The following CDC42SE2 variants were observed in gnomAD, a reference collection of about 807,000 sequenced individuals.
CDC42SE2 encodes the protein CDC42 small effector 2.
In CDC42SE2, 3 loss-of-function variants were observed where a neutral mutation model predicts 11.5. That is an observed-to-expected ratio of 0.26 (90% confidence interval 0.12 to 0.67). The LOEUF (loss-of-function observed/expected upper bound fraction) is 0.67, where lower values mean the gene tolerates loss of function less well. Among genes scored for constraint, CDC42SE2 ranks in the 30% least tolerant of loss-of-function variants. CDC42SE2 has a pLI of 0.80. For synonymous variants in CDC42SE2, 33 were observed against 34.8 expected (o/e 0.95, Z 0.18); for missense variants, 82 against 106.8 (o/e 0.77, Z 1.02).
At chr5:131,301,334 A>G (rs1432422857) in intron 1 of CDC42SE2, among the ~76,000 whole-genome samples, 1 of 152,288 alleles carries the variant, frequency 6.6e-6, no homozygotes, top group South Asian at 2.1e-4. Flanking sequence ...AGAATTATTG[A>G]ATGTTCCCAA....
intron 1 of CDC42SE2, among the ~76,000 whole-genome samples, chr5:131,295,328 TAGCTATTAC>T (rs1757548010): frequency 6.6e-6 from 1 of 151,196 alleles, no homozygotes; most frequent in African/African-American, 2.4e-5. Flanking sequence ...CAAAAAAAGA[TAGCTATTAC>T]AGCATCATCG....
intron 2 of CDC42SE2, among the ~76,000 whole-genome samples, chr5:131,316,802 A>G (rs1046335979): frequency 3.9e-5 from 6 of 151,914 alleles, no homozygotes; most frequent in Admixed American, 3.9e-4. Context: ...CTCTATCTGA[A>G]TTTTCTTATT....
chr5:131,330,082 A>G (rs1008415375), intron 2 of CDC42SE2, among the ~76,000 whole-genome samples: 2 of 151,964 alleles, frequency 1.3e-5, no homozygotes, highest in African/African-American at 4.8e-5. Context: ...AGCTAATGGT[A>G]TTCAGCTAAT....
chr5:131,351,429 TA>T (rs764953618), intron 2 of CDC42SE2, among the ~76,000 whole-genome samples: 13 of 149,586 alleles, frequency 8.7e-5, no homozygotes, highest in African/African-American at 3.3e-4. Flanking sequence ...AAATTTTTTG[TA>T]TTTTTAGCAG....
At chr5:131,265,179 C>T (rs759647596) in intron 1 of CDC42SE2, among the ~76,000 whole-genome samples, 3 of 151,908 alleles carry the variant, frequency 2.0e-5, no homozygotes, top group South Asian at 2.1e-4. Flanking sequence ...ATGAACAGTC[C>T]GTTCTTACTC....
the CDC42SE2 span, among the ~76,000 whole-genome samples, chr5:131,224,015 C>T: frequency 6.6e-6 from 1 of 152,160 alleles, no homozygotes. Flanking sequence ...CACTTGGTTG[C>T]CAGGACAGCA....
chr5:131,222,471 C>T, the CDC42SE2 span, among the ~76,000 whole-genome samples: 2 of 152,192 alleles, frequency 1.3e-5, no homozygotes, highest in Non-Finnish European at 2.9e-5. Context: ...GCACCTGGCA[C>T]ATTATAAGCA....
At position 131,249,747 on chromosome 5, in the gene CDC42SE2, G is replaced by C. The variant is rs146829434; in HGVS notation, n.107+4148G>C. On this transcript the variant is annotated intron_variant and non_coding_transcript_variant, in intron 1 of 3. Coordinates refer to the CDC42SE2 transcript ENST00000502840. ...GGACTGCAGAGATTAGCTGGGTGTG[G>C]TGGTGCATGCCTGTAGTCCTAGGTA... Among the ~76,000 whole-genome samples the C allele has an allele frequency of 4.6e-3, 698 of 152,308 alleles. 8 individuals carry two copies. Among genetic ancestry groups the C allele is most frequent in the Non-Finnish European group, 6.9e-3 (467 of 68,024 alleles).
At chr5:131,220,916 A>T in the CDC42SE2 span, among the ~76,000 whole-genome samples, 1 of 119,520 alleles carries the variant, frequency 8.4e-6, no homozygotes. Flanking sequence ...ATGGAGTTTC[A>T]CCCTGCCGCC....
chr5:131,242,637 T>C (rs999239780), upstream of CDC42SE2, among the ~76,000 whole-genome samples: 2 of 152,192 alleles, frequency 1.3e-5, no homozygotes, highest in African/African-American at 4.8e-5. Context: ...CCACCACCTA[T>C]ACGACAGGAG....
Position 131,359,314 on chromosome 5 carries a change from A to T in CDC42SE2, c.-180A>T, listed in dbSNP as rs570215243. ...GAAGCAAAGAAAGGAAACAATCCAA[A>T]TTTTTCTTTATTAAATCGACTGTGT... is the stretch of plus-strand genomic sequence containing the variant. On this transcript the variant is annotated 5_prime_UTR_variant, in exon 3 of 5. Transcript: ENST00000505065. 1.6e-6 allele frequency: 1 copy of T among 621,146 alleles called. No individual in the cohort carries two copies. The highest frequency in any genetic ancestry group is 1.8e-5 in the African/African-American group (1 of 54,438). 38.5% of individuals were successfully genotyped at this position (621,146 alleles called of 1,614,324 possible).
At chr5:131,283,763 G>C (rs531213892) in intron 1 of CDC42SE2, among the ~76,000 whole-genome samples, 4 of 152,236 alleles carry the variant, frequency 2.6e-5, no homozygotes, top group Non-Finnish European at 5.9e-5. Flanking sequence ...AAAGTGCTGG[G>C]ATTACAGGTG....
rs114960095 is a variant in CDC42SE2, at chr5:131,275,027, T to G, written c.-455+10861T>G. On this transcript the variant is annotated intron_variant, in intron 1 of 4. Coordinates refer to ENST00000505065, the MANE Select transcript of CDC42SE2 (RefSeq NM_001375635.1). The stretch of plus-strand genomic sequence containing the variant: ...AGAATTAAGTAGAAACAAATTTAGA[T>G]GCAAGAGTATGAAGTAAGTTTCAAA... Among the ~76,000 whole-genome samples, 750 of 152,278 alleles carry G rather than the reference T, an allele frequency of 4.9e-3. 4 individuals carry two copies. The highest frequency in any genetic ancestry group is 0.017 in the African/African-American group (688 of 41,552).
chr5:131,337,669 C>G (rs528035767), intron 2 of CDC42SE2, among the ~76,000 whole-genome samples: 1 of 152,282 alleles, frequency 6.6e-6, no homozygotes, highest in Middle Eastern at 3.4e-3. Context: ...TGAGCAATGG[C>G]GGGCACCCCT....
In CDC42SE2 at chr5:131,264,604, GCTCCGGA is replaced by G. The variant is rs796089003; in HGVS notation, c.-455+439_-455+445del. ...GGGTTTCGGGGAGCAAAGACACCTGGCTCCGGAGCTCCGACTCTTCGCCTGAGGCGCC... is the reference window on the plus strand; with the variant it reads ...GGGTTTCGGGGAGCAAAGACACCTGGGCTCCGACTCTTCGCCTGAGGCGCC... On this transcript the variant is annotated intron_variant, in intron 1 of 4. Transcript: ENST00000505065. 3.2e-3 allele frequency among the ~76,000 whole-genome samples: 488 copies of G among 152,246 alleles called. 1 individual carries two copies. Among genetic ancestry groups the G allele is most frequent in the African/African-American group, 0.011 (464 of 41,544 alleles).
chr5:131,381,354 G>A (rs1309803225), intron 3 of CDC42SE2, among the ~76,000 whole-genome samples: 2 of 150,014 alleles, frequency 1.3e-5, no homozygotes, highest in East Asian at 1.9e-4. Context: ...GAGAAGTCTC[G>A]CTCTTGTCCC....
the CDC42SE2 span, among the ~76,000 whole-genome samples, chr5:131,227,687 C>T: frequency 1.3e-5 from 2 of 152,268 alleles, no homozygotes; most frequent in Non-Finnish European, 2.9e-5. Context: ...CAGTGGCTTT[C>T]AAATATGGGA....
At chr5:131,273,928 C>T (rs1233361956) in intron 1 of CDC42SE2, among the ~76,000 whole-genome samples, 2 of 151,992 alleles carry the variant, frequency 1.3e-5, no homozygotes, top group Non-Finnish European at 2.9e-5. Context: ...CAGGTATGTG[C>T]CACCACATCC....
Position 131,391,053 on chromosome 5 carries a change from A to G in CDC42SE2, c.217A>G (p.Asn73Asp). 2 of 1,613,394 alleles carry G rather than the reference A, an allele frequency of 1.2e-6. No homozygotes were observed. The highest frequency in any genetic ancestry group is 8.5e-7 in the Non-Finnish European group (1 of 1,179,506). The change falls in exon 5 of 5, where the codon AAT (asparagine) becomes GAT (aspartate). Residue 73 changes from asparagine to aspartate, a missense_variant. Coordinates refer to ENST00000505065, the MANE Select transcript of CDC42SE2 (RefSeq NM_001375635.1). Reference sequence around the variant, plus strand: ...AGGTTATGGAGGTGGAATGCCTGCCAATGTCCAGATGCAGCTCGTGGATAC... The same window carrying G: ...AGGTTATGGAGGTGGAATGCCTGCCGATGTCCAGATGCAGCTCGTGGATAC... ...KGGYGGGMPA[N>D]VQMQLVDTKA...
Sources: gnomAD v4.1 joint callset for allele counts (sites outside exome capture counted in the v4.1 genomes callset) on GRCh38, gnomAD v4.1.1 for gene constraint, MANE v1.5 for transcripts, NCBI Gene and HGNC (gene_info 2026-07-23, HGNC 2026-07-21) for gene names.